The following DPP8 variants were observed in gnomAD, a reference collection of about 807,000 sequenced individuals.
The protein encoded by DPP8 is DPP VIII.
DPP8 carries 31 observed loss-of-function variants against 107.5 expected under a neutral mutation model. The ratio of observed to expected loss-of-function variants is 0.29; its 90% confidence interval spans 0.22 to 0.39. DPP8 has a LOEUF of 0.39. Among genes scored for constraint, DPP8 ranks in the 10% least tolerant of loss-of-function variants. The pLI is 1.00. For missense variants in DPP8, 842 were observed against 1,076.1 expected, an observed-to-expected ratio of 0.78 and a Z score of 3.04; for synonymous variants, 381 against 356.6, an observed-to-expected ratio of 1.07 and a Z score of -0.77.
At chr15:65,481,416 G>A in intron 9 of DPP8, 99 bp downstream of exon 9, 1 of 799,444 alleles carries the variant, frequency 1.3e-6, no homozygotes, top group South Asian at 1.6e-5. Context: ...ATTTACATGT[G>A]AAGGCAGCTC....
chr15:65,475,302 G>A, intron 11 of DPP8: 1 of 755,276 alleles, frequency 1.3e-6, no homozygotes, highest in Non-Finnish European at 2.3e-6. Context: ...CACCCCAGTG[G>A]TAGGTGGAAG....
At chr15:65,515,538 G>T in intron 1 of DPP8, 2 of 787,296 alleles carry the variant, frequency 2.5e-6, no homozygotes, top group South Asian at 3.4e-5. Flanking sequence ...CAAAATAGGT[G>T]ACCTGAATTT....
At chr15:65,482,043 T>C (rs888189076) in intron 8 of DPP8, among the ~76,000 whole-genome samples, 2 of 151,824 alleles carry the variant, frequency 1.3e-5, no homozygotes, top group Non-Finnish European at 2.9e-5. Context: ...TATATATATA[T>C]ATTTTTTGAG....
chr15:65,482,042 A>T (rs1176106006), intron 8 of DPP8, among the ~76,000 whole-genome samples: 1 of 151,618 alleles, frequency 6.6e-6, no homozygotes, highest in Admixed American at 6.6e-5. Flanking sequence ...GTATATATAT[A>T]TATTTTTTGA....
rs751061524 is a variant in DPP8 at position 65,512,273 on chromosome 15, G to A, written c.259+22C>T. On this transcript the variant is annotated intron_variant, in intron 2 of 19. Transcript: ENST00000300141. Reference sequence around the variant, plus strand: ...TGACTTAAGAGATCATTTTCTCTCAGAAACTACAACTTCGTACTCACCAAG... The same window carrying A: ...TGACTTAAGAGATCATTTTCTCTCAAAAACTACAACTTCGTACTCACCAAG... 6 of 1,579,932 alleles carry A rather than the reference G, an allele frequency of 3.8e-6. No homozygotes were observed. In the South Asian group the frequency reaches 6.8e-5, roughly 18 times the overall value.
At position 65,488,603 on chromosome 15, in the gene DPP8, C is replaced by CAAAAAAAAAAA. The variant is rs1166493197; in HGVS notation, c.827-796_827-786dup. Reference sequence around the variant, plus strand: ...AGCCTGCACAACAGAGACCCTGCCTCAAAAAAAAAAAAAAAAAAAAAAAAA... The same window carrying CAAAAAAAAAAA: ...AGCCTGCACAACAGAGACCCTGCCTCAAAAAAAAAAAAAAAAAAAAAAAAAAAAAAAAAAAA... On this transcript the variant is annotated intron_variant, in intron 6 of 19. Transcript: ENST00000300141. 2.7e-3 allele frequency among the ~76,000 whole-genome samples: 123 copies of CAAAAAAAAAAA among 45,280 alleles called. 3 individuals are homozygous for CAAAAAAAAAAA. Among genetic ancestry groups the CAAAAAAAAAAA allele is most frequent in the African/African-American group, 0.01 (120 of 11,866 alleles). 29.7% of individuals were successfully genotyped at this position (45,280 alleles called of 152,430 possible). A position where few individuals can be genotyped will look rare whatever the true frequency, so the allele number is the denominator to read the frequency against.
In DPP8 at chr15:65,500,738, T is replaced by C. The variant is rs764310590; in HGVS notation, c.414A>G (p.Leu138=). 9 of 1,614,116 alleles carry C rather than the reference T, an allele frequency of 5.6e-6. No individual in the cohort carries two copies. Among genetic ancestry groups the C allele is most frequent in the African/African-American group, 5.3e-5 (4 of 75,042 alleles). ...DYGMYSREEE[L]LRERKRIGTV... ...TTCCAATGCGTTTTCTTTCTCTTAATAGTTCTTCTTCTCGAGAATACATTC... is the reference window on the plus strand; with the variant it reads ...TTCCAATGCGTTTTCTTTCTCTTAACAGTTCTTCTTCTCGAGAATACATTC... The change falls in exon 4 of 20, where the codon CTA becomes CTG. Residue 138 remains leucine (L), a synonymous_variant. Coordinates refer to ENST00000300141, the MANE Select transcript of DPP8 (RefSeq NM_130434.5).
chr15:65,469,749 T>C (rs1340279275), intron 12 of DPP8, among the ~76,000 whole-genome samples: 1 of 150,102 alleles, frequency 6.7e-6, no homozygotes, highest in East Asian at 2.0e-4. Context: ...GGCATAAGAA[T>C]CCCTTGAACT....
At chr15:65,510,038 A>T (rs1320499169) in intron 2 of DPP8, among the ~76,000 whole-genome samples, 1 of 152,012 alleles carries the variant, frequency 6.6e-6, no homozygotes, top group Non-Finnish European at 1.5e-5. Flanking sequence ...AACAAAAAAC[A>T]AAAAAGGCCA....
chr15:65,505,472 T>G (rs2069844996), intron 3 of DPP8, among the ~76,000 whole-genome samples: 1 of 152,224 alleles, frequency 6.6e-6, no homozygotes, highest in East Asian at 1.9e-4. Flanking sequence ...TTTCACGTTA[T>G]TCCACTTTTG....
intron 1 of DPP8, among the ~76,000 whole-genome samples, chr15:65,513,975 C>CA (rs1248158451): frequency 1.7e-4 from 26 of 152,142 alleles, no homozygotes; most frequent in Non-Finnish European, 7.4e-5. Flanking sequence ...AACTAAATTG[C>CA]ATTTAATTAT....
In DPP8 at chr15:65,513,866, A is replaced by G. The variant is rs550422494; in HGVS notation, c.-11-1302T>C. 5.9e-5 allele frequency among the ~76,000 whole-genome samples: 9 copies of G among 152,328 alleles called. No homozygotes were observed. In the East Asian group the frequency reaches 1.7e-3, roughly 29 times the overall value. ...CAAACCAGTGTGTATTCCAACATATATTATTCATGACACTGCCAAAAAGAA... is the reference window on the plus strand; with the variant it reads ...CAAACCAGTGTGTATTCCAACATATGTTATTCATGACACTGCCAAAAAGAA... On this transcript the variant is annotated intron_variant, in intron 1 of 19. Transcript: ENST00000300141.
At chr15:65,475,880 C>A (rs1427953714) in intron 11 of DPP8, among the ~76,000 whole-genome samples, 1 of 152,158 alleles carries the variant, frequency 6.6e-6, no homozygotes, top group Non-Finnish European at 1.5e-5. Context: ...TCCCAAGTAG[C>A]TGGGACTACA....
intron 4 of DPP8, among the ~76,000 whole-genome samples, chr15:65,499,570 T>A (rs1197465829): frequency 2.0e-5 from 3 of 151,776 alleles, no homozygotes; most frequent in Non-Finnish European, 4.4e-5. Flanking sequence ...TTAAAATTTG[T>A]ATGTTTTTTT....
At position 65,462,329 on chromosome 15, in the gene DPP8, A is replaced by G. The variant is rs145450098; in HGVS notation, c.1971+1432T>C. ...TGTCAATCATATTTTGTTTGTAAAC[A>G]CACTTGATGGCAAAGTGATTTAGAG... On this transcript the variant is annotated intron_variant, in intron 15 of 19. Coordinates refer to ENST00000300141, the MANE Select transcript of DPP8 (RefSeq NM_130434.5). Among the ~76,000 whole-genome samples the G allele has an allele frequency of 4.4e-3, 667 of 152,284 alleles. 4 individuals are homozygous for G. Among genetic ancestry groups the G allele is most frequent in the Non-Finnish European group, 6.2e-3 (421 of 68,034 alleles).
chr15:65,500,838 G>T, intron 3 of DPP8, 59 bp from the exon 4 acceptor site: 4 of 1,186,650 alleles, frequency 3.4e-6, no homozygotes, highest in South Asian at 1.5e-5. Flanking sequence ...TTTGCTTTTA[G>T]CACTGAAATC....
chr15:65,448,915 TA>T (rs2063752971), intron 19 of DPP8, among the ~76,000 whole-genome samples: 6 of 98,152 alleles, frequency 6.1e-5, no homozygotes, highest in East Asian at 2.3e-4. Flanking sequence ...TATATATATA[TA>T]TATATATTTA....
chr15:65,451,116 G>A lies in DPP8; in HGVS notation c.2415-6C>T, dbSNP rs1275134059. 4 of 1,571,186 alleles carry A rather than the reference G, an allele frequency of 2.5e-6. No homozygotes were observed. Among genetic ancestry groups the A allele is most frequent in the Non-Finnish European group, 3.5e-6 (4 of 1,142,908 alleles). On this transcript the variant is annotated splice_region_variant and splice_polypyrimidine_tract_variant and intron_variant, in intron 18 of 19. Transcript: ENST00000300141. ...AGAGCAGTAAACGATTTGGTCTGGA[G>A]AAATGGAAATATTAGAGGATTAGGC... is the stretch of plus-strand genomic sequence containing the variant.
chr15:65,481,662 AAAT>A, intron 8 of DPP8, 47 bp from the exon 9 acceptor site: 1 of 1,105,436 alleles, frequency 9.0e-7, no homozygotes, highest in Non-Finnish European at 1.3e-6. Context: ...AGATTTAGAT[AAAT>A]AATTAGCTTG....
Sources: gnomAD v4.1 joint callset for allele counts (sites outside exome capture counted in the v4.1 genomes callset) on GRCh38, gnomAD v4.1.1 for gene constraint, MANE v1.5 for transcripts, NCBI Gene and HGNC (gene_info 2026-07-23, HGNC 2026-07-21) for gene names.